FAAH2: variants seen among roughly 807,000 people sequenced by gnomAD.
FAAH2 encodes fatty acid amide hydrolase 2, also known as fatty-acid amide hydrolase 2.
In FAAH2, 60 loss-of-function variants were observed where a neutral mutation model predicts 36.9. That is an observed-to-expected ratio of 1.63 (90% CI 1.32 to 2.02). The LOEUF (loss-of-function observed/expected upper bound fraction) is 2.02. FAAH2 is among the 30% of genes most tolerant of loss of function. The probability of loss-of-function intolerance (pLI) is 0.00; values close to 1 mark genes in which losing one functional copy is unlikely to be tolerated. For missense variants in FAAH2, 689 were observed against 397.5 expected (o/e 1.73, Z -6.23); for synonymous variants, 214 against 143.8 (o/e 1.49, Z -3.49).
the FAAH2 span, among the ~76,000 whole-genome samples, chrX:57,160,851 T>G: frequency 9.0e-5 from 10 of 111,173 alleles, no homozygotes; most frequent in East Asian, 2.8e-3. Flanking sequence ...TTTTGTGTCT[T>G]TATTTCCTTC....
chrX:57,296,011 G>A (rs2052140363), intron 2 of FAAH2, among the ~76,000 whole-genome samples: 1 of 112,459 alleles, frequency 8.9e-6, no homozygotes, highest in Non-Finnish European at 1.9e-5. Context: ...GCCTCTGTGG[G>A]CTCCACCTCT....
rs180865705 is a variant in FAAH2 at position 57,302,283 on chromosome X, C to T, written c.276-8310C>T. Among the ~76,000 whole-genome samples, 501 of 111,764 alleles carry T rather than the reference C, an allele frequency of 4.5e-3. 2 individuals carry two copies. Among genetic ancestry groups the T allele is most frequent in the African/African-American group, 0.015 (476 of 30,802 alleles). On this transcript the variant is annotated intron_variant, in intron 2 of 10. Coordinates refer to ENST00000374900, the MANE Select transcript of FAAH2 (RefSeq NM_174912.4). ...AATCTCTGTGAATCTTTGTTTTATC[C>T]TTTCTAAAGGGGAAAATAATATGGA... is the stretch of plus-strand genomic sequence containing the variant.
intron 1 of FAAH2, among the ~76,000 whole-genome samples, chrX:57,287,991 T>A (rs1421671408): frequency 8.1e-5 from 9 of 111,423 alleles, no homozygotes; most frequent in Non-Finnish European, 1.5e-4. Context: ...CTCTACCCAC[T>A]CATGCATGCT....
chrX:57,204,498 C>A, the FAAH2 span, among the ~76,000 whole-genome samples: 1 of 112,175 alleles, frequency 8.9e-6, no homozygotes, highest in Non-Finnish European at 1.9e-5. Context: ...TTTCCAAAAT[C>A]TCTTCTTCAG....
chrX:57,333,281 C>T (rs898532943), intron 4 of FAAH2, among the ~76,000 whole-genome samples: 1 of 111,506 alleles, frequency 9.0e-6, no homozygotes, highest in Non-Finnish European at 1.9e-5. Context: ...CAGACTAACC[C>T]CTAGCCAGGG....
intron 2 of FAAH2, among the ~76,000 whole-genome samples, chrX:57,301,223 A>C (rs1352144805): frequency 7.3e-5 from 8 of 110,275 alleles, no homozygotes; most frequent in Admixed American, 2.0e-4. Flanking sequence ...AAATGTCCAA[A>C]AATGATAGAC....
intron 10 of FAAH2, among the ~76,000 whole-genome samples, chrX:57,475,095 A>G (rs912375830): frequency 9.0e-6 from 1 of 111,616 alleles, no homozygotes; most frequent in Non-Finnish European, 1.9e-5. Context: ...TGGATATTAG[A>G]CCTTTGTCAG....
intron 8 of FAAH2, among the ~76,000 whole-genome samples, chrX:57,442,394 G>C (rs1474608304): frequency 3.6e-5 from 4 of 111,241 alleles, no homozygotes; most frequent in African/African-American, 9.8e-5. Flanking sequence ...GATCTTTGTT[G>C]GTTTAAAGTC....
chrX:57,230,198 C>T, the FAAH2 span, among the ~76,000 whole-genome samples: 40 of 111,975 alleles, frequency 3.6e-4, no homozygotes, highest in Non-Finnish European at 6.2e-4. Flanking sequence ...ACTTCTGACC[C>T]ATCAACAGCA....
chrX:57,279,407 A>G, the FAAH2 span, among the ~76,000 whole-genome samples: 1 of 112,159 alleles, frequency 8.9e-6, no homozygotes, highest in Non-Finnish European at 1.9e-5. Context: ...AACAATGAGA[A>G]CACATGGACA....
intron 7 of FAAH2, among the ~76,000 whole-genome samples, chrX:57,420,196 A>G (rs1183413703): frequency 9.3e-6 from 1 of 108,055 alleles, no homozygotes; most frequent in Non-Finnish European, 1.9e-5. Flanking sequence ...TGACTTGGCG[A>G]TGTGGGCTCT....
chrX:57,227,569 C>G, the FAAH2 span, among the ~76,000 whole-genome samples: 2 of 111,436 alleles, frequency 1.8e-5, no homozygotes, highest in South Asian at 7.7e-4. Flanking sequence ...GGGCAATGGA[C>G]TCCATGGGGG....
intron 10 of FAAH2, among the ~76,000 whole-genome samples, chrX:57,450,979 A>G (rs1464945907): frequency 9.0e-6 from 1 of 111,729 alleles, no homozygotes; most frequent in Admixed American, 9.5e-5. Flanking sequence ...TCTGAGTTTT[A>G]CATGTTTCAT....
intron 7 of FAAH2, among the ~76,000 whole-genome samples, chrX:57,413,242 C>T (rs2055749361): frequency 8.9e-6 from 1 of 112,098 alleles, no homozygotes; most frequent in South Asian, 3.7e-4. Context: ...TTCCATTTGT[C>T]AATTTTGGCT....
chrX:57,481,769 G>T (rs1434281216), intron 10 of FAAH2, among the ~76,000 whole-genome samples: 1 of 112,310 alleles, frequency 8.9e-6, no homozygotes, highest in Non-Finnish European at 1.9e-5. Context: ...GGTGCACTGT[G>T]CTGGGAGAAT....
At chrX:57,216,483 ATTATATATATAC>A in the FAAH2 span, among the ~76,000 whole-genome samples, 1 of 67,279 alleles carries the variant, frequency 1.5e-5, no homozygotes, top group East Asian at 4.8e-4. Context: ...GTAGTATTCT[ATTATATATATAC>A]GTATATGTAT....
At chrX:57,384,481 A>T (rs1343644318) in intron 7 of FAAH2, among the ~76,000 whole-genome samples, 2 of 109,881 alleles carry the variant, frequency 1.8e-5, no homozygotes, top group African/African-American at 3.3e-5. Flanking sequence ...TTTACAAGAA[A>T]AAAACAAACA....
intron 10 of FAAH2, among the ~76,000 whole-genome samples, chrX:57,478,271 G>A (rs2057308962): frequency 9.0e-6 from 1 of 111,518 alleles, no homozygotes; most frequent in South Asian, 3.8e-4. Flanking sequence ...GTGTTTTTTG[G>A]CTTCATAAAT....
chrX:57,317,978 C>A (rs1319580875), intron 3 of FAAH2, among the ~76,000 whole-genome samples: 1 of 111,532 alleles, frequency 9.0e-6, no homozygotes, highest in Non-Finnish European at 1.9e-5. Context: ...AAAAAAGACA[C>A]AATGTACTGG....
Sources: allele counts gnomAD v4.1 joint callset (sites outside exome capture counted in the v4.1 genomes callset), GRCh38; gene constraint gnomAD v4.1.1; transcripts MANE v1.5; gene names NCBI Gene and HGNC (gene_info 2026-07-23, HGNC 2026-07-21).